ABCA13: variants seen among roughly 807,000 people sequenced by gnomAD.
ABCA13 encodes the protein ATP binding cassette subfamily A member 13, also known as ATP-binding cassette sub-family A member 13.
A neutral mutation model predicts 478.7 loss-of-function variants in ABCA13; 476 were observed. The ratio of observed to expected loss-of-function variants is 0.99; its 90% CI spans 0.92 to 1.07. The LOEUF is 1.07. ABCA13 is among the 50% of genes least tolerant of loss of function. The probability of loss-of-function intolerance (pLI) is 0.00; values close to 1 mark genes in which losing one functional copy is unlikely to be tolerated. For synonymous variants in ABCA13, 2,252 were observed against 2,158.9 expected, an observed-to-expected ratio of 1.04 and a Z score of -1.20; for missense variants, 6,060 against 5,910.6, an observed-to-expected ratio of 1.03 and a Z score of -0.83.
intron 55 of ABCA13, among the ~76,000 whole-genome samples, chr7:48,566,167 C>G (rs901294257): frequency 1.3e-5 from 2 of 152,112 alleles, no homozygotes; most frequent in Non-Finnish European, 2.9e-5. Context: ...TGAGAAGGTT[C>G]TTGATCTGGC....
At chr7:48,298,145 G>A (rs1419578558) in intron 22 of ABCA13, among the ~76,000 whole-genome samples, 1 of 152,080 alleles carries the variant, frequency 6.6e-6, no homozygotes, top group Non-Finnish European at 1.5e-5. Context: ...GAGTAGACCA[G>A]TAACCAGAAA....
chr7:48,172,124 T>C (rs928462512), intron 1 of ABCA13, among the ~76,000 whole-genome samples: 2 of 152,248 alleles, frequency 1.3e-5, no homozygotes, highest in African/African-American at 4.8e-5. Flanking sequence ...CTTGTGTGAA[T>C]ACTTATGCAA....
chr7:48,424,207 A>G (rs952877239), intron 41 of ABCA13, among the ~76,000 whole-genome samples: 1 of 152,172 alleles, frequency 6.6e-6, no homozygotes. Context: ...AAGATTGTTT[A>G]TATGTTTTGA....
intron 55 of ABCA13, among the ~76,000 whole-genome samples, chr7:48,532,583 A>G (rs1379674430): frequency 6.6e-6 from 1 of 152,026 alleles, no homozygotes; most frequent in Non-Finnish European, 1.5e-5. Context: ...ATTGGTCCCA[A>G]TTCTTCTTTG....
intron 42 of ABCA13, among the ~76,000 whole-genome samples, chr7:48,442,172 A>G (rs1185920371): frequency 6.6e-6 from 1 of 152,194 alleles, no homozygotes; most frequent in Non-Finnish European, 1.5e-5. Flanking sequence ...CAACCAGTCA[A>G]ACTCTCACGT....
At chr7:48,210,507 CT>C (rs1415007613) in intron 3 of ABCA13, among the ~76,000 whole-genome samples, 14 of 151,980 alleles carry the variant, frequency 9.2e-5, no homozygotes, top group African/African-American at 3.4e-4. Context: ...ACTACTTTTG[CT>C]GTATCCCACA....
chr7:48,527,302 G>T (rs534282840), intron 54 of ABCA13, among the ~76,000 whole-genome samples: 9 of 152,214 alleles, frequency 5.9e-5, no homozygotes, highest in Admixed American at 1.3e-4. Context: ...AACTCATGGG[G>T]TTGTGAAATT....
chr7:48,624,114 CAG>C (rs1289315815), intron 59 of ABCA13, among the ~76,000 whole-genome samples: 1 of 148,688 alleles, frequency 6.7e-6, no homozygotes, highest in Non-Finnish European at 1.5e-5. Context: ...CAGTTAATAA[CAG>C]AGGAGAGCTG....
Position 48,272,690 on chromosome 7 carries a change from T to C in ABCA13, c.3024T>C (p.Ser1008=). The part of the protein sequence containing the change: ...IIKQFNFQNI[S]KAFAFLFKTA... ...AACAATTTAATTTCCAAAACATCAG[T>C]AAAGCATTTGCATTTTTATTTAAGA... The change falls in exon 17 of 62, where the codon AGT becomes AGC. Residue 1008 remains serine, a synonymous_variant. Coordinates refer to ENST00000435803, the MANE Select transcript of ABCA13 (RefSeq NM_152701.5). 1 of 1,612,476 alleles carries C rather than the reference T, an allele frequency of 6.2e-7. No individual in the cohort carries two copies. Among genetic ancestry groups the C allele is most frequent in the Non-Finnish European group, 8.5e-7 (1 of 1,179,012 alleles).
intron 29 of ABCA13, among the ~76,000 whole-genome samples, chr7:48,341,618 CA>C (rs2128958514): frequency 6.6e-6 from 1 of 151,340 alleles, no homozygotes; most frequent in Non-Finnish European, 1.5e-5. Context: ...TCAGTCTTGT[CA>C]GAGGGTTATC....
intron 15 of ABCA13, among the ~76,000 whole-genome samples, chr7:48,268,401 C>G (rs1795148698): frequency 6.6e-6 from 1 of 152,116 alleles, no homozygotes; most frequent in Non-Finnish European, 1.5e-5. Context: ...TCAGGTGATC[C>G]ATCTGCCTCG....
intron 42 of ABCA13, among the ~76,000 whole-genome samples, chr7:48,438,838 C>A (rs1823196317): frequency 1.3e-5 from 2 of 150,588 alleles, no homozygotes; most frequent in East Asian, 3.9e-4. Context: ...CTAACAAATT[C>A]TGTTTTCCAC....
intron 59 of ABCA13, among the ~76,000 whole-genome samples, chr7:48,631,457 A>T (rs968131455): frequency 6.6e-6 from 1 of 152,050 alleles, no homozygotes; most frequent in Admixed American, 6.5e-5. Flanking sequence ...AAGATTAGAT[A>T]GTTGTAGGTG....
intron 42 of ABCA13, among the ~76,000 whole-genome samples, chr7:48,443,618 A>G (rs972319558): frequency 2.0e-5 from 3 of 152,112 alleles, no homozygotes; most frequent in Non-Finnish European, 2.9e-5. Flanking sequence ...TAGCATTTTT[A>G]TCATTTGGAG....
At chr7:48,395,381 A>C (rs555604626) in intron 38 of ABCA13, among the ~76,000 whole-genome samples, 5 of 152,156 alleles carry the variant, frequency 3.3e-5, no homozygotes, top group Non-Finnish European at 7.4e-5. Flanking sequence ...ATAAGAGAGG[A>C]GGGGGCGTCC....
At chr7:48,380,940 C>T (rs770085062) in intron 35 of ABCA13, among the ~76,000 whole-genome samples, 5 of 152,134 alleles carry the variant, frequency 3.3e-5, no homozygotes, top group Non-Finnish European at 5.9e-5. Context: ...GGGCAAGGTA[C>T]CAGCCAACTA....
intron 18 of ABCA13, among the ~76,000 whole-genome samples, chr7:48,280,239 T>C (rs1337382360): frequency 6.6e-6 from 1 of 152,250 alleles, no homozygotes; most frequent in Admixed American, 6.5e-5. Flanking sequence ...TTTCTGTTCA[T>C]ATCCTCTGGC....
chr7:48,598,896 A>G (rs975877756), intron 58 of ABCA13, among the ~76,000 whole-genome samples: 8 of 152,082 alleles, frequency 5.3e-5, no homozygotes, highest in Non-Finnish European at 1.0e-4. Context: ...ATTCACTTTT[A>G]TGCATGTTAA....
chr7:48,186,066 T>C (rs1365867224), intron 1 of ABCA13, among the ~76,000 whole-genome samples: 1 of 152,022 alleles, frequency 6.6e-6, no homozygotes, highest in Non-Finnish European at 1.5e-5. Context: ...CTTTTTCATC[T>C]CCTTCCTTTT....
Sources: allele counts gnomAD v4.1 joint callset (sites outside exome capture counted in the v4.1 genomes callset), GRCh38; gene constraint gnomAD v4.1.1; transcripts MANE v1.5; gene names NCBI Gene and HGNC (gene_info 2026-07-23, HGNC 2026-07-21).